The following PPP3CA variants were observed in gnomAD, a reference collection of about 807,000 sequenced individuals.
PPP3CA encodes protein phosphatase 3 catalytic subunit alpha, also known as CAM-PRP catalytic subunit.
In PPP3CA, 14 loss-of-function variants were observed where a neutral mutation model predicts 66.5. The ratio of observed to expected loss-of-function variants is 0.21; its 90% CI spans 0.14 to 0.33. The LOEUF (loss-of-function observed/expected upper bound fraction) is 0.33, where lower values mean the gene tolerates loss of function less well. Among genes scored for constraint, PPP3CA ranks in the 10% least tolerant of loss-of-function variants. The pLI, the probability that PPP3CA is intolerant of heterozygous loss-of-function variation, is 1.00. For synonymous variants in PPP3CA, 232 were observed against 226.2 expected (o/e 1.03, Z -0.23); for missense variants, 317 against 639.5 (o/e 0.50, Z 5.44).
intron 2 of PPP3CA, among the ~76,000 whole-genome samples, chr4:101,120,583 A>G (rs1481968617): frequency 1.3e-5 from 2 of 151,796 alleles, no homozygotes; most frequent in East Asian, 3.9e-4. Context: ...AATACTTTAC[A>G]TTTACTTTTA....
intron 1 of PPP3CA, among the ~76,000 whole-genome samples, chr4:101,261,336 AC>A (rs1727003233): frequency 1.3e-5 from 2 of 152,126 alleles, no homozygotes; most frequent in Admixed American, 1.3e-4. Context: ...TGTAGAAAAT[AC>A]CATAAAAGAA....
At chr4:101,207,021 C>T (rs1443537404) in intron 1 of PPP3CA, among the ~76,000 whole-genome samples, 2 of 151,668 alleles carry the variant, frequency 1.3e-5, no homozygotes, top group Admixed American at 6.6e-5. Flanking sequence ...AAGTGAGCAA[C>T]AGATAGAAAA....
At chr4:101,095,866 G>A (rs919290694) in intron 5 of PPP3CA, among the ~76,000 whole-genome samples, 11 of 152,050 alleles carry the variant, frequency 7.2e-5, no homozygotes, top group East Asian at 1.9e-4. Context: ...TGGTCAAGCC[G>A]GTCTCGAACT....
At chr4:101,030,056 A>G (rs1387590596) in intron 12 of PPP3CA, among the ~76,000 whole-genome samples, 1 of 152,110 alleles carries the variant, frequency 6.6e-6, no homozygotes, top group Non-Finnish European at 1.5e-5. Flanking sequence ...CATATTTCAG[A>G]GGCAGAACTT....
intron 1 of PPP3CA, among the ~76,000 whole-genome samples, chr4:101,232,570 G>A (rs1400153863): frequency 3.3e-5 from 5 of 151,720 alleles, no homozygotes; most frequent in African/African-American, 1.2e-4. Context: ...TCATACATGA[G>A]TCAGGTTTTG....
At chr4:101,040,423 T>C (rs1404678652) in intron 11 of PPP3CA, 59 bp downstream of exon 11, 4 of 1,169,018 alleles carry the variant, frequency 3.4e-6, no homozygotes, top group Non-Finnish European at 4.7e-6. Context: ...AGTATTAAAG[T>C]ATTTATTAGG....
chr4:101,109,725 GA>G (rs968241370), intron 2 of PPP3CA, among the ~76,000 whole-genome samples: 2 of 147,240 alleles, frequency 1.4e-5, no homozygotes, highest in Admixed American at 6.7e-5. Context: ...ATGTTAAAGT[GA>G]AAAAAACTAC....
Position 101,187,458 on chromosome 4 carries a change from G to C in PPP3CA, c.259+8458C>G, listed in dbSNP as rs370923303. ...TTTCCTCAATTCAGAGTCTCAAGTG[G>C]AATGGATATTTTATATCAATAATAC... On this transcript the variant is annotated intron_variant, in intron 2 of 13. Coordinates refer to ENST00000394854, the MANE Select transcript of PPP3CA (RefSeq NM_000944.5). Among the ~76,000 whole-genome samples, 17 of 152,014 alleles carry C rather than the reference G, an allele frequency of 1.1e-4. No individual in the cohort carries two copies. The East Asian group carries it at 1.3e-3, about 12-fold the overall frequency.
intron 6 of PPP3CA, among the ~76,000 whole-genome samples, chr4:101,087,128 C>G (rs1311774129): frequency 6.6e-6 from 1 of 152,102 alleles, no homozygotes; most frequent in Non-Finnish European, 1.5e-5. Flanking sequence ...GGTACTTAGC[C>G]CAGGAGTGTC....
chr4:101,224,622 A>T (rs1436934954), intron 1 of PPP3CA, among the ~76,000 whole-genome samples: 1 of 151,808 alleles, frequency 6.6e-6, no homozygotes, highest in Non-Finnish European at 1.5e-5. Context: ...AATCACCTGA[A>T]GCTGGACTTT....
chr4:101,038,374 CTTTTTT>C (rs751990204), intron 11 of PPP3CA, among the ~76,000 whole-genome samples: 1 of 142,958 alleles, frequency 7.0e-6, no homozygotes, highest in African/African-American at 2.6e-5. Context: ...CTTTTTTTTT[CTTTTTT>C]TTTTTTTGAG....
chr4:101,247,860 T>A, intron 1 of PPP3CA, among the ~76,000 whole-genome samples: 1 of 152,190 alleles, frequency 6.6e-6, no homozygotes, highest in East Asian at 1.9e-4. Flanking sequence ...CACTTCACTA[T>A]GCACTGCCTG....
chr4:101,224,721 G>A (rs1725728124), intron 1 of PPP3CA, among the ~76,000 whole-genome samples: 1 of 151,710 alleles, frequency 6.6e-6, no homozygotes, highest in South Asian at 2.1e-4. Context: ...AAGGAAATCG[G>A]GGCAGGGGGG....
At position 101,281,466 on chromosome 4, in the gene PPP3CA, A is replaced by G. The variant is rs544435024; in HGVS notation, c.58+65273T>C. On this transcript the variant is annotated intron_variant, in intron 1 of 13. Coordinates refer to ENST00000394854, the MANE Select transcript of PPP3CA (RefSeq NM_000944.5). ...ACGTAAGAGGGGGTGAGATCCAGTA[A>G]AGAAGCCTTGGCTCTTCTTTGGTCT... is the stretch of plus-strand genomic sequence containing the variant. Among the ~76,000 whole-genome samples, 13 of 152,340 alleles carry G rather than the reference A, an allele frequency of 8.5e-5. No homozygotes were observed. The South Asian group carries it at 2.7e-3, about 32-fold the overall frequency.
intron 1 of PPP3CA, among the ~76,000 whole-genome samples, chr4:101,203,648 T>C (rs1725038936): frequency 6.6e-6 from 1 of 152,126 alleles, no homozygotes; most frequent in Non-Finnish European, 1.5e-5. Flanking sequence ...TAAATATACT[T>C]ATTTATGTAT....
rs1230313667 is a variant in PPP3CA at position 101,026,074 on chromosome 4, T to A, written c.1370-13A>T. The A allele has an allele frequency of 6.4e-7, 1 of 1,570,048 alleles. No individual in the cohort carries two copies. Among genetic ancestry groups the A allele is most frequent in the Non-Finnish European group, 8.6e-7 (1 of 1,159,084 alleles). ...AATCCTTTGATAGCTAAACAGAAAATCATTAAAAAAAGAAAACCAGGATTA... is the reference window on the plus strand; with the variant it reads ...AATCCTTTGATAGCTAAACAGAAAAACATTAAAAAAAGAAAACCAGGATTA... On this transcript the variant is annotated splice_polypyrimidine_tract_variant and intron_variant, in intron 13 of 13. Coordinates refer to ENST00000394854, the MANE Select transcript of PPP3CA (RefSeq NM_000944.5).
chr4:101,190,908 T>C (rs1472452960), intron 2 of PPP3CA, among the ~76,000 whole-genome samples: 2 of 152,194 alleles, frequency 1.3e-5, no homozygotes, highest in Non-Finnish European at 2.9e-5. Context: ...CTTTGTATGT[T>C]TTCTTCAGTA....
intron 6 of PPP3CA, among the ~76,000 whole-genome samples, chr4:101,084,466 C>A (rs1729570386): frequency 6.6e-6 from 1 of 151,800 alleles, no homozygotes; most frequent in Admixed American, 6.6e-5. Context: ...TGTGGTGAAA[C>A]CCTGTCTCTT....
At chr4:101,055,946 AT>A (rs1728206002) in intron 10 of PPP3CA, among the ~76,000 whole-genome samples, 2 of 151,922 alleles carry the variant, frequency 1.3e-5, no homozygotes, top group African/African-American at 2.4e-5. Context: ...TTTATATTTT[AT>A]TTTACAGTAT....
Sources: allele counts gnomAD v4.1 joint callset (sites outside exome capture counted in the v4.1 genomes callset), GRCh38; gene constraint gnomAD v4.1.1; transcripts MANE v1.5; gene names NCBI Gene and HGNC (gene_info 2026-07-23, HGNC 2026-07-21).